Variants in CNTN4 observed in about 807,000 individuals in gnomAD.
The protein encoded by CNTN4 is contactin 4, also known as contactin-4.
A neutral mutation model predicts 122.5 loss-of-function variants in CNTN4; 77 were observed. That is an observed-to-expected ratio of 0.63 (90% confidence interval 0.52 to 0.76). The LOEUF is 0.76. CNTN4 is among the 30% of genes least tolerant of loss of function. CNTN4 has a pLI of 0.00. For synonymous variants in CNTN4, 512 were observed against 447.0 expected (o/e 1.15, Z -1.83); for missense variants, 1,256 against 1,259.1 (o/e 1.00, Z 0.04).
intron 3 of CNTN4, among the ~76,000 whole-genome samples, chr3:2,465,858 C>G (rs1295635123): frequency 6.6e-6 from 1 of 152,062 alleles, no homozygotes; most frequent in Non-Finnish European, 1.5e-5. Context: ...CTACAGTTTA[C>G]TGAGATAATT....
chr3:2,129,233 A>G (rs1295661993), intron 2 of CNTN4, among the ~76,000 whole-genome samples: 2 of 150,684 alleles, frequency 1.3e-5, no homozygotes, highest in South Asian at 2.1e-4. Flanking sequence ...TTAAGATCCC[A>G]TAGAACATTG....
chr3:2,961,013 G>T (rs535083269), intron 13 of CNTN4, among the ~76,000 whole-genome samples: 1 of 132,370 alleles, frequency 7.6e-6, no homozygotes, highest in Non-Finnish European at 1.7e-5. Flanking sequence ...GGTGGATCAC[G>T]AGGTCAGGAG....
chr3:2,535,233 C>T (rs1459204997), intron 3 of CNTN4, among the ~76,000 whole-genome samples: 1 of 152,096 alleles, frequency 6.6e-6, no homozygotes, highest in Non-Finnish European at 1.5e-5. Flanking sequence ...TGACACATCC[C>T]CCATGGTTGG....
intron 3 of CNTN4, among the ~76,000 whole-genome samples, chr3:2,396,196 T>G (rs574426219): frequency 6.6e-6 from 1 of 152,204 alleles, no homozygotes; most frequent in African/African-American, 2.4e-5. Flanking sequence ...TGCTAATTTT[T>G]TGTATTTTTG....
intron 3 of CNTN4, chr3:2,511,238 A>G (rs1324430360): frequency 6.6e-6 from 1 of 152,246 alleles, no homozygotes; most frequent in African/African-American, 2.4e-5. Context: ...ATTGGGAAAG[A>G]AGCCTTAATC....
chr3:2,495,647 C>T (rs555584913), intron 3 of CNTN4, among the ~76,000 whole-genome samples: 2 of 152,248 alleles, frequency 1.3e-5, no homozygotes, highest in South Asian at 2.1e-4. Flanking sequence ...CATGGGAGTG[C>T]GAACCCTATT....
intron 2 of CNTN4, among the ~76,000 whole-genome samples, chr3:2,287,608 A>G (rs2041948695): frequency 8.7e-6 from 1 of 114,820 alleles, no homozygotes; most frequent in African/African-American, 3.2e-5. Flanking sequence ...GTCTAAAGAA[A>G]AGAAGGAGAA....
At chr3:2,607,369 A>G (rs968966008) in intron 4 of CNTN4, among the ~76,000 whole-genome samples, 1 of 152,190 alleles carries the variant, frequency 6.6e-6, no homozygotes, top group East Asian at 1.9e-4. Context: ...TTGTAATAGC[A>G]AAATGGTAGA....
At chr3:3,052,809 G>A (rs1031395260) in intron 23 of CNTN4, among the ~76,000 whole-genome samples, 1 of 152,202 alleles carries the variant, frequency 6.6e-6, no homozygotes, top group African/African-American at 2.4e-5. Context: ...ATAAAGTGGG[G>A]TTCCAGAGGA....
chr3:2,934,491 A>T (rs2094551117), intron 13 of CNTN4, among the ~76,000 whole-genome samples: 1 of 152,240 alleles, frequency 6.6e-6, no homozygotes, highest in African/African-American at 2.4e-5. Context: ...AAGGTGTGAA[A>T]CCCAGGTCCA....
At chr3:2,987,820 AT>A (rs985714024) in intron 13 of CNTN4, among the ~76,000 whole-genome samples, 8 of 152,198 alleles carry the variant, frequency 5.3e-5, no homozygotes, top group Non-Finnish European at 8.8e-5. Flanking sequence ...GAATATTTTA[AT>A]TTTTTTTAAG....
chr3:2,210,189 A>G (rs2038548568), intron 2 of CNTN4, among the ~76,000 whole-genome samples: 2 of 152,186 alleles, frequency 1.3e-5, no homozygotes, highest in African/African-American at 4.8e-5. Context: ...GAATATGTGA[A>G]GCTGATTTTA....
intron 2 of CNTN4, among the ~76,000 whole-genome samples, chr3:2,288,096 GA>G (rs1221827618): frequency 1.3e-5 from 2 of 152,126 alleles, no homozygotes; most frequent in African/African-American, 4.8e-5. Flanking sequence ...AATTAGAATA[GA>G]TATTAGTTGA....
chr3:2,159,200 C>G (rs2035849696), intron 2 of CNTN4, among the ~76,000 whole-genome samples: 1 of 152,062 alleles, frequency 6.6e-6, no homozygotes. Flanking sequence ...TACTTTTGAC[C>G]AGAATATTTT....
Position 2,672,893 on chromosome 3 carries a change from T to C in CNTN4, c.56-63322T>C, listed in dbSNP as rs541202975. 4.9e-4 allele frequency among the ~76,000 whole-genome samples: 74 copies of C among 152,336 alleles called. 1 individual carries two copies. The South Asian group carries it at 0.015, about 32-fold the overall frequency. On this transcript the variant is annotated intron_variant, in intron 4 of 24. Coordinates refer to ENST00000418658, the MANE Select transcript of CNTN4 (RefSeq NM_175607.3). ...GGTTTAAGGCCCTGGGGATTAAGAA[T>C]CTGTCCTTGCCCAGTAGGAGCTTAC... is the stretch of plus-strand genomic sequence containing the variant.
intron 2 of CNTN4, among the ~76,000 whole-genome samples, chr3:2,306,344 GT>G (rs2042702604): frequency 6.6e-6 from 1 of 152,180 alleles, no homozygotes. Flanking sequence ...AGTCATCTAA[GT>G]GAATGGAAAG....
chr3:2,553,362 C>G (rs2078593411), intron 3 of CNTN4, among the ~76,000 whole-genome samples: 1 of 152,010 alleles, frequency 6.6e-6, no homozygotes, highest in Admixed American at 6.6e-5. Context: ...TGTTTTTATC[C>G]TTTTTCACAG....
Position 2,265,761 on chromosome 3 carries a change from TA to T in CNTN4, c.-144-73416del, listed in dbSNP as rs764713273. Reference sequence around the variant, plus strand: ...TTCCTTCATCAGTGTTTTATATATATATATTTTTTTTTGTGGAGATCTTCCA... The same window carrying T: ...TTCCTTCATCAGTGTTTTATATATATTATTTTTTTTTGTGGAGATCTTCCA... On this transcript the variant is annotated intron_variant, in intron 2 of 24. Coordinates refer to ENST00000418658, the MANE Select transcript of CNTN4 (RefSeq NM_175607.3). 3.7e-3 allele frequency among the ~76,000 whole-genome samples: 386 copies of T among 104,202 alleles called. 1 individual carries two copies. The highest frequency in any genetic ancestry group is 7.3e-3 in the Non-Finnish European group (326 of 44,622). The allele number at this position is 104,202 out of a possible 152,430, so 68.4% of individuals were successfully genotyped here.
chr3:2,566,973 G>T (rs980328504), intron 3 of CNTN4, among the ~76,000 whole-genome samples: 1 of 152,132 alleles, frequency 6.6e-6, no homozygotes, highest in African/African-American at 2.4e-5. Context: ...TCCTTCAGGG[G>T]ATTGCATTTT....
Sources: allele counts gnomAD v4.1 joint callset (sites outside exome capture counted in the v4.1 genomes callset), GRCh38; gene constraint gnomAD v4.1.1; transcripts MANE v1.5; gene names NCBI Gene and HGNC (gene_info 2026-07-23, HGNC 2026-07-21).